DOK5: variants seen among roughly 807,000 people sequenced by gnomAD.
DOK5 encodes the protein docking protein 5, also known as downstream of tyrosine kinase 5.
In DOK5, 27 loss-of-function variants were observed where a neutral mutation model predicts 43.3. The ratio of observed to expected loss-of-function variants is 0.62; its 90% CI spans 0.46 to 0.86. The LOEUF (loss-of-function observed/expected upper bound fraction) is 0.86. Among genes scored for constraint, DOK5 ranks in the 40% least tolerant of loss-of-function variants. The pLI is 0.00. For synonymous variants in DOK5, 146 were observed against 140.1 expected (o/e 1.04, Z -0.30); for missense variants, 373 against 392.9 (o/e 0.95, Z 0.43).
chr20:54,585,861 C>G (rs1054663063), intron 2 of DOK5, among the ~76,000 whole-genome samples: 2 of 152,198 alleles, frequency 1.3e-5, no homozygotes, highest in Non-Finnish European at 2.9e-5. Context: ...GTGGCTCACG[C>G]CTATAATCCC....
chr20:54,581,233 T>G (rs573017203), intron 2 of DOK5, among the ~76,000 whole-genome samples: 4 of 152,216 alleles, frequency 2.6e-5, no homozygotes, highest in Non-Finnish European at 5.9e-5. Context: ...CATGTGTCTG[T>G]ATGTTTGCCT....
At chr20:54,622,673 G>A (rs1159100561) in intron 6 of DOK5, among the ~76,000 whole-genome samples, 4 of 152,126 alleles carry the variant, frequency 2.6e-5, no homozygotes, top group Non-Finnish European at 4.4e-5. Flanking sequence ...AGTACATTGC[G>A]ACCTTGATGG....
At chr20:54,631,658 A>C (rs1978571967) in intron 6 of DOK5, among the ~76,000 whole-genome samples, 1 of 152,214 alleles carries the variant, frequency 6.6e-6, no homozygotes, top group African/African-American at 2.4e-5. Context: ...AAAAGGAAGA[A>C]CATAATTTAT....
intron 5 of DOK5, among the ~76,000 whole-genome samples, chr20:54,608,417 T>A (rs979193431): frequency 1.3e-5 from 2 of 152,186 alleles, no homozygotes; most frequent in African/African-American, 4.8e-5. Flanking sequence ...CAGAATTGGA[T>A]GCCAAACAAT....
Position 54,475,909 on chromosome 20 carries a change from G to A in DOK5, c.-38G>A. The A allele has an allele frequency of 6.2e-7, 1 of 1,608,788 alleles. No individual in the cohort carries two copies. Among genetic ancestry groups the A allele is most frequent in the Non-Finnish European group, 8.5e-7 (1 of 1,178,656 alleles). On this transcript the variant is annotated 5_prime_UTR_variant, in exon 1 of 8. Coordinates refer to ENST00000262593, the MANE Select transcript of DOK5 (RefSeq NM_018431.5). This position sits in a 1 kb window ranked among gnomAD's most constrained non-coding sequence, Gnocchi z 4.2. Reference sequence around the variant, plus strand: ...CCCTCCCCAGAGCCACTTCGGGTGCGCGCTCTTGGGTAAAGGGGGGGTCAC... The same window carrying A: ...CCCTCCCCAGAGCCACTTCGGGTGCACGCTCTTGGGTAAAGGGGGGGTCAC...
intron 6 of DOK5, among the ~76,000 whole-genome samples, chr20:54,613,206 C>G (rs1376012076): frequency 6.6e-6 from 1 of 151,586 alleles, no homozygotes; most frequent in Non-Finnish European, 1.5e-5. Flanking sequence ...CTCTCTCTCT[C>G]TCTCTCTCTC....
intron 1 of DOK5, among the ~76,000 whole-genome samples, chr20:54,532,911 T>G (rs1332674693): frequency 6.6e-6 from 1 of 152,226 alleles, no homozygotes; most frequent in Non-Finnish European, 1.5e-5. Flanking sequence ...CTGGTATGTC[T>G]TGGCTTGATA....
rs376270178 is a variant in DOK5, at chr20:54,625,313, G to A, written c.735+14790G>A. 1.2e-4 allele frequency among the ~76,000 whole-genome samples: 19 copies of A among 152,264 alleles called. No individual in the cohort carries two copies. In the East Asian group the frequency reaches 2.5e-3, roughly 20 times the overall value. On this transcript the variant is annotated intron_variant, in intron 6 of 7. Coordinates refer to ENST00000262593, the MANE Select transcript of DOK5 (RefSeq NM_018431.5). ...GAAAGAAGGCCCCTGGGACAGTGGG[G>A]GTCCAAGGGCCTCATAGAGGTTCTA... is the stretch of plus-strand genomic sequence containing the variant.
chr20:54,491,780 C>A (rs935527737), intron 1 of DOK5, among the ~76,000 whole-genome samples: 4 of 152,170 alleles, frequency 2.6e-5, no homozygotes, highest in African/African-American at 9.7e-5. Context: ...TGGAAAATAG[C>A]TGAGAAAACT....
intron 2 of DOK5, among the ~76,000 whole-genome samples, chr20:54,582,385 A>C (rs774522174): frequency 4.6e-5 from 7 of 151,738 alleles, no homozygotes; most frequent in Non-Finnish European, 8.9e-5. Context: ...ATGAATTTGG[A>C]AGCGTTCCTT....
chr20:54,539,428 G>A (rs1323754047), intron 1 of DOK5, among the ~76,000 whole-genome samples: 2 of 151,692 alleles, frequency 1.3e-5, no homozygotes, highest in African/African-American at 2.4e-5. Context: ...CTGTATCAAT[G>A]TCTGTATCCT....
chr20:54,622,223 A>G (rs757913533), intron 6 of DOK5, among the ~76,000 whole-genome samples: 1 of 151,950 alleles, frequency 6.6e-6, no homozygotes, highest in Non-Finnish European at 1.5e-5. Context: ...AAAATAAAAT[A>G]AAAAAAAGAG....
chr20:54,638,804 A>T (rs1174876586), intron 6 of DOK5, among the ~76,000 whole-genome samples: 1 of 129,688 alleles, frequency 7.7e-6, no homozygotes, highest in African/African-American at 3.0e-5. Context: ...CCCAGGCTGG[A>T]GCGCAGTGGC....
Position 54,588,728 on chromosome 20 carries a change from T to C in DOK5, c.331T>C (p.Cys111Arg), listed in dbSNP as rs768376773. The change falls in exon 4 of 8, where the codon TGT (cysteine) becomes CGT (arginine). Residue 111 changes from cysteine (C) to arginine (R), a missense_variant. Transcript: ENST00000262593. The part of the protein sequence containing the change: ...DEWCKVLQME[C>R]VGTRINDISL... ...GTGGTGCAAAGTACTCCAGATGGAG[T>C]GTGTAGGAACACGGATCAATGACAT... The C allele has an allele frequency of 1.2e-5, 20 of 1,614,044 alleles. No homozygotes were observed. Among genetic ancestry groups the C allele is most frequent in the Non-Finnish European group, 1.6e-5 (19 of 1,179,980 alleles).
At chr20:54,531,803 G>A (rs923227084) in intron 1 of DOK5, among the ~76,000 whole-genome samples, 2 of 152,188 alleles carry the variant, frequency 1.3e-5, no homozygotes, top group Admixed American at 6.5e-5. Flanking sequence ...CTTGGAAACT[G>A]TTTTGTTTTG....
chr20:54,505,243 C>T (rs904421337), intron 1 of DOK5, among the ~76,000 whole-genome samples: 2 of 152,030 alleles, frequency 1.3e-5, no homozygotes, highest in African/African-American at 2.4e-5. Context: ...GGCCAAAATG[C>T]CCCTCTCTCC....
In DOK5 at chr20:54,600,176, G is replaced by A. The variant is rs541472943; in HGVS notation, c.599+8371G>A. Among the ~76,000 whole-genome samples, 10 of 152,294 alleles carry A rather than the reference G, an allele frequency of 6.6e-5. No individual in the cohort carries two copies. In the South Asian group the frequency reaches 1.7e-3, roughly 25 times the overall value. ...CAAAGAAGAGCCAGGAGGTTGATGTGTCTGAGCAGAATCAATGGATGGGAA... is the reference window on the plus strand; with the variant it reads ...CAAAGAAGAGCCAGGAGGTTGATGTATCTGAGCAGAATCAATGGATGGGAA... On this transcript the variant is annotated intron_variant, in intron 5 of 7. Transcript: ENST00000262593.
chr20:54,588,432 T>C, intron 2 of DOK5, 51 bp from the exon 3 acceptor site: 1 of 1,494,562 alleles, frequency 6.7e-7, no homozygotes, highest in South Asian at 1.1e-5. Context: ...TGTTGTATAC[T>C]GGAGACATTC....
At chr20:54,557,330 G>A (rs937206596) in intron 2 of DOK5, among the ~76,000 whole-genome samples, 2 of 152,142 alleles carry the variant, frequency 1.3e-5, no homozygotes, top group African/African-American at 4.8e-5. Context: ...CAAATGATTA[G>A]GCATTAGATT....
Sources: gnomAD v4.1 joint callset for allele counts (sites outside exome capture counted in the v4.1 genomes callset) on GRCh38, gnomAD v4.1.1 for gene constraint, Gnocchi (gnomAD v3.1) non-coding constraint, MANE v1.5 for transcripts, NCBI Gene and HGNC (gene_info 2026-07-23, HGNC 2026-07-21) for gene names.